Variants in NUP210 observed in about 807,000 individuals in gnomAD.
NUP210 encodes the protein nuclear pore membrane glycoprotein 210.
In NUP210, 151 loss-of-function variants were observed where a neutral mutation model predicts 196.0. The ratio of observed to expected loss-of-function variants is 0.77; its 90% CI spans 0.67 to 0.88. NUP210 has a LOEUF of 0.88. NUP210 is among the 40% of genes least tolerant of loss of function. NUP210 has a pLI of 0.00. For synonymous variants in NUP210, 1,070 were observed against 1,052.7 expected (o/e 1.02, Z -0.32); for missense variants, 2,314 against 2,493.7 (o/e 0.93, Z 1.53).
chr3:13,365,805 G>A (rs1698510462), intron 14 of NUP210, 141 bp downstream of exon 14: 1 of 932,386 alleles, frequency 1.1e-6, no homozygotes, highest in Admixed American at 2.0e-5. Flanking sequence ...CTTTCAGCCA[G>A]AAATCATGGG....
At position 13,341,781 on chromosome 3, in the gene NUP210, T is replaced by C; in HGVS notation, c.3195A>G (p.Gly1065=). Residue 1065 remains glycine, a synonymous_variant, in exon 23 of 40, where the codon GGA becomes GGG. Transcript: ENST00000254508. The part of the protein sequence containing the change: ...SLTASVTNKA[G]QRINSAPQQI... ...GTTGTGGGGCTGAGTTGATTCTCTG[T>C]CCAGCTTTATTGGTCACACTTGCAG... 6.2e-7 allele frequency: 1 copy of C among 1,614,240 alleles called. No homozygotes were observed. The highest frequency in any genetic ancestry group is 1.1e-5 in the South Asian group (1 of 91,084).
At chr3:13,341,398 CAT>C (rs1408658118) in intron 23 of NUP210, among the ~76,000 whole-genome samples, 14 of 152,230 alleles carry the variant, frequency 9.2e-5, no homozygotes, top group Admixed American at 9.2e-4. Context: ...TTCTTCTACA[CAT>C]GAGTCAGCAT....
intron 16 of NUP210, among the ~76,000 whole-genome samples, chr3:13,356,382 C>T (rs558900214): frequency 2.0e-5 from 3 of 152,300 alleles, no homozygotes; most frequent in South Asian, 2.1e-4. Flanking sequence ...TGGTGGCTCA[C>T]GCCTGTAATC....
Position 13,371,914 on chromosome 3 carries a change from T to C in NUP210, c.1706A>G (p.Glu569Gly). ...ISGLMPGGAS[E>G]VVTLSDCSHF... ...GGAGCAGTCGCTCAAGGTGACCACC[T>C]CACTGGCCCCGCCGGGCATGAGGCC... The change falls in exon 13 of 40, where the codon GAG becomes GGG. Residue 569 changes from glutamate to glycine, a missense_variant. Physicochemically the swap from Glu to Gly is moderately conservative, Grantham distance 98. Coordinates refer to ENST00000254508, the MANE Select transcript of NUP210 (RefSeq NM_024923.4). 1 of 1,609,516 alleles carries C rather than the reference T, an allele frequency of 6.2e-7. No homozygotes were observed.
chr3:13,420,104 C>T lies in NUP210; in HGVS notation c.123G>A (p.Thr41=), dbSNP rs1356800023. 4 of 1,380,484 alleles carry T rather than the reference C, an allele frequency of 2.9e-6. No individual in the cohort carries two copies. The African/African-American group carries it at 4.5e-5, about 16-fold the overall frequency. The allele number at this position is 1,380,484 out of a possible 1,614,324, so 85.5% of individuals were successfully genotyped here. A position where few individuals can be genotyped will look rare whatever the true frequency, so the allele number is the denominator to read the frequency against. ...AGGCCTCCAGCGTGAAGTTAACGCG[C>T]GTGGCCCGCGTGAAGGGCAGCAGCA... The part of the protein sequence containing the change: ...PKVLLPFTRA[T]RVNFTLEASE... The change falls in exon 1 of 40, where the codon ACG becomes ACA. Residue 41 remains threonine (T), a synonymous_variant. Transcript: ENST00000254508. This position sits in a 1 kb window ranked among gnomAD's most constrained non-coding sequence, Gnocchi z 4.8.
chr3:13,359,963 C>T (rs904535763), intron 15 of NUP210, among the ~76,000 whole-genome samples: 1 of 152,242 alleles, frequency 6.6e-6, no homozygotes, highest in Non-Finnish European at 1.5e-5. Flanking sequence ...TTGTGACCCC[C>T]GAACTCAAAG....
chr3:13,357,682 G>C (rs959310522), intron 16 of NUP210, among the ~76,000 whole-genome samples: 8 of 152,218 alleles, frequency 5.3e-5, no homozygotes, highest in African/African-American at 1.9e-4. Context: ...CAAGTCCAAG[G>C]GGAGCAGACC....
chr3:13,367,253 A>G (rs897112277), intron 13 of NUP210, among the ~76,000 whole-genome samples: 1 of 151,946 alleles, frequency 6.6e-6, no homozygotes, highest in Non-Finnish European at 1.5e-5. Context: ...CCTGACCAAC[A>G]TGGAGAAATC....
Position 13,350,472 on chromosome 3 carries a change from CAAA to C in NUP210, c.2835+1404_2835+1406del, listed in dbSNP as rs747315941. Among the ~76,000 whole-genome samples, 2 of 78,730 alleles carry C rather than the reference CAAA, an allele frequency of 2.5e-5. No homozygotes were observed. The highest frequency in any genetic ancestry group is 6.7e-5 in the Non-Finnish European group (2 of 29,682). 51.6% of individuals were successfully genotyped at this position (78,730 alleles called of 152,430 possible). On this transcript the variant is annotated intron_variant, in intron 20 of 39. Coordinates refer to ENST00000254508, the MANE Select transcript of NUP210 (RefSeq NM_024923.4). This position sits in a 1 kb window ranked among gnomAD's most constrained non-coding sequence, Gnocchi z 4.1. ...CAAAACAAAACAAAACAAAACAAAACAAAACAAAAAACAAAACAAAACAGGAAA... is the reference window on the plus strand; with the variant it reads ...CAAAACAAAACAAAACAAAACAAAACACAAAAAACAAAACAAAACAGGAAA...
chr3:13,415,962 T>C (rs9842462), intron 1 of NUP210, among the ~76,000 whole-genome samples: 58,260 of 152,080 alleles, frequency 0.38, 11,635 homozygotes, highest in Middle Eastern at 0.46. Context: ...GCAAGGGTAG[T>C]GCTGGCCTCT....
intron 5 of NUP210, among the ~76,000 whole-genome samples, chr3:13,387,888 G>C (rs1400512165): frequency 1.3e-5 from 2 of 152,110 alleles, no homozygotes; most frequent in Non-Finnish European, 2.9e-5. Flanking sequence ...CAGTCTCAGG[G>C]CTCCAATGGG....
At chr3:13,364,810 A>C (rs191919002) in intron 14 of NUP210, among the ~76,000 whole-genome samples, 1 of 152,326 alleles carries the variant, frequency 6.6e-6, no homozygotes, top group East Asian at 1.9e-4. Context: ...CCTGGGCAAC[A>C]AGAGTGAAAC....
chr3:13,356,973 T>C (rs1335238295), intron 16 of NUP210, among the ~76,000 whole-genome samples: 1 of 152,216 alleles, frequency 6.6e-6, no homozygotes, highest in Non-Finnish European at 1.5e-5. Context: ...GTATGATTTG[T>C]TTTTCTTTGA....
chr3:13,387,925 C>T (rs1427686709), intron 5 of NUP210, among the ~76,000 whole-genome samples: 1 of 152,112 alleles, frequency 6.6e-6, no homozygotes, highest in Non-Finnish European at 1.5e-5. Flanking sequence ...GCATAGAAGA[C>T]ACCCAGGAGC....
intron 20 of NUP210, among the ~76,000 whole-genome samples, chr3:13,346,910 C>A (rs1697755949): frequency 6.6e-6 from 1 of 152,234 alleles, no homozygotes; most frequent in Non-Finnish European, 1.5e-5. Flanking sequence ...GGGGCCCTGG[C>A]CTGGGTGCTG....
chr3:13,352,759 G>A (rs6777313), intron 18 of NUP210, among the ~76,000 whole-genome samples: 1 of 152,292 alleles, frequency 6.6e-6, no homozygotes, highest in Admixed American at 6.5e-5. Flanking sequence ...AGCAACTGCC[G>A]GCAGGGAGAG....
In NUP210 at chr3:13,386,416, A is replaced by C. The variant is rs767268782; in HGVS notation, c.685-9T>G. 1.2e-6 allele frequency: 2 copies of C among 1,613,876 alleles called. No homozygotes were observed. Among genetic ancestry groups the C allele is most frequent in the Non-Finnish European group, 1.7e-6 (2 of 1,179,996 alleles). ...TCTGCAGGGCGTACATTCTTGGCATAAAGAAAAGGCAGACAAAGTGAGGTG... is the reference window on the plus strand; with the variant it reads ...TCTGCAGGGCGTACATTCTTGGCATCAAGAAAAGGCAGACAAAGTGAGGTG... On this transcript the variant is annotated splice_polypyrimidine_tract_variant and intron_variant, in intron 5 of 39. Coordinates refer to ENST00000254508, the MANE Select transcript of NUP210 (RefSeq NM_024923.4).
Position 13,319,986 on chromosome 3 carries a change from G to C in NUP210, c.5167-7C>G. 1 of 1,612,828 alleles carries C rather than the reference G, an allele frequency of 6.2e-7. No individual in the cohort carries two copies. Among genetic ancestry groups the C allele is most frequent in the South Asian group, 1.1e-5 (1 of 91,076 alleles). ...CCGGGGACCCGGATTTCACCTGGAA[G>C]AGACATCAGAGCTGGGGGTGCACAT... On this transcript the variant is annotated splice_region_variant and splice_polypyrimidine_tract_variant and intron_variant, in intron 36 of 39. Coordinates refer to ENST00000254508, the MANE Select transcript of NUP210 (RefSeq NM_024923.4).
rs772112069 is a variant in NUP210, at chr3:13,330,516, C to A, written c.4054G>T (p.Glu1352Ter). 21 of 1,614,202 alleles carry A rather than the reference C, an allele frequency of 1.3e-5. No homozygotes were observed. The South Asian group carries it at 2.0e-4, about 15-fold the overall frequency. The change falls in exon 30 of 40, where the codon GAA (glutamate) becomes TAA (stop). Residue 1352 changes from glutamate to a stop codon, truncating the protein, a stop_gained. Coordinates refer to ENST00000254508, the MANE Select transcript of NUP210 (RefSeq NM_024923.4). LOFTEE classifies it high-confidence loss of function. Reference sequence around the variant, plus strand: ...CCAAAGGGCTCTTGTGCAATCACTTCGATGGTGGATGTCCCGATCATAGAC... The same window carrying A: ...CCAAAGGGCTCTTGTGCAATCACTTAGATGGTGGATGTCCCGATCATAGAC... ...SGSMIGTSTI[E>*]VIAQEPFGAN...
Sources: allele counts gnomAD v4.1 joint callset (sites outside exome capture counted in the v4.1 genomes callset), GRCh38; gene constraint gnomAD v4.1.1; non-coding constraint Gnocchi (gnomAD v3.1); transcripts MANE v1.5; gene names NCBI Gene and HGNC (gene_info 2026-07-23, HGNC 2026-07-21).